The following PTPRD variants were observed in gnomAD, a reference collection of about 807,000 sequenced individuals.
PTPRD encodes the protein receptor-type tyrosine-protein phosphatase delta.
PTPRD carries 34 observed loss-of-function variants against 214.5 expected under a neutral mutation model. The observed-to-expected ratio is 0.16, with a 90% CI of 0.12 to 0.21. PTPRD has a LOEUF of 0.21. PTPRD is among the 10% of genes least tolerant of loss of function. The pLI, the probability that PTPRD is intolerant of heterozygous loss-of-function variation, is 1.00. For synonymous variants in PTPRD, 1,128 were observed against 845.7 expected (o/e 1.33, Z -5.79); for missense variants, 2,545 against 2,398.7 (o/e 1.06, Z -1.27).
At chr9:8,615,400 C>T (rs1277772150) in intron 14 of PTPRD, among the ~76,000 whole-genome samples, 5 of 152,018 alleles carry the variant, frequency 3.3e-5, no homozygotes, top group Non-Finnish European at 5.9e-5. Flanking sequence ...AGTAAGCTAT[C>T]GCCACTATTT....
At position 9,015,993 on chromosome 9, in the gene PTPRD, G is replaced by C. The variant is rs184741305; in HGVS notation, c.-104+2704C>G. Among the ~76,000 whole-genome samples, 332 of 152,172 alleles carry C rather than the reference G, an allele frequency of 2.2e-3. 4 individuals are homozygous for C. Among genetic ancestry groups the C allele is most frequent in the Admixed American group, 5.4e-3 (83 of 15,268 alleles). On this transcript the variant is annotated intron_variant, in intron 11 of 45. Coordinates refer to ENST00000381196, the MANE Select transcript of PTPRD (RefSeq NM_002839.4). ...GATCATAGGAATGCAGAAGAATTGG[G>C]CCTTAAAGCACAGGCAGCAGGACTT...
chr9:9,514,191 TC>T (rs1219167836), intron 8 of PTPRD, among the ~76,000 whole-genome samples: 1 of 152,060 alleles, frequency 6.6e-6, no homozygotes, highest in Non-Finnish European at 1.5e-5. Context: ...GAATTTTTTC[TC>T]CCCTGGAATA....
At chr9:10,369,456 G>T (rs1266167764) in intron 2 of PTPRD, among the ~76,000 whole-genome samples, 1 of 151,988 alleles carries the variant, frequency 6.6e-6, no homozygotes, top group Non-Finnish European at 1.5e-5. Flanking sequence ...AGGTGAGACA[G>T]CTGAGTGTAT....
intron 8 of PTPRD, among the ~76,000 whole-genome samples, chr9:9,489,182 A>C (rs1187939473): frequency 1.3e-5 from 2 of 152,184 alleles, no homozygotes; most frequent in Admixed American, 1.3e-4. Context: ...ACATAGGCGC[A>C]GAAAAAATCT....
At chr9:10,050,431 G>A (rs533515942) in intron 3 of PTPRD, among the ~76,000 whole-genome samples, 7 of 150,850 alleles carry the variant, frequency 4.6e-5, no homozygotes, top group African/African-American at 1.5e-4. Flanking sequence ...GTGGTGGCGC[G>A]CGTCTGTAGT....
chr9:9,138,225 A>G (rs1221020508), intron 10 of PTPRD, among the ~76,000 whole-genome samples: 1 of 152,144 alleles, frequency 6.6e-6, no homozygotes, highest in African/African-American at 2.4e-5. Flanking sequence ...GAAATAGCAA[A>G]ATCAATTATA....
At chr9:8,944,372 A>G (rs1342026164) in intron 11 of PTPRD, among the ~76,000 whole-genome samples, 1 of 152,126 alleles carries the variant, frequency 6.6e-6, no homozygotes, top group Non-Finnish European at 1.5e-5. Context: ...ACATAGAACT[A>G]TCATATGATC....
chr9:8,525,502 C>T (rs1224595222), intron 17 of PTPRD, among the ~76,000 whole-genome samples: 2 of 151,796 alleles, frequency 1.3e-5, no homozygotes, highest in Non-Finnish European at 1.5e-5. Flanking sequence ...AAATACGCAG[C>T]GAGCACAAAA....
rs35772205 is a variant in PTPRD, at chr9:9,547,796, T to TCACACACACACACACA, written c.-237+26920_-237+26935dup. On this transcript the variant is annotated intron_variant, in intron 8 of 45. Transcript: ENST00000381196. Reference sequence around the variant, plus strand: ...TAAGAAAGCTCAAATAAACACAAATTCACACACACACACACACACACACAC... The same window carrying TCACACACACACACACA: ...TAAGAAAGCTCAAATAAACACAAATTCACACACACACACACACACACACACACACACACACACACAC... 6.7e-3 allele frequency among the ~76,000 whole-genome samples: 957 copies of TCACACACACACACACA among 142,452 alleles called. 6 individuals carry two copies. The highest frequency in any genetic ancestry group is 0.016 in the African/African-American group (613 of 39,086). 93.5% of individuals were successfully genotyped at this position (142,452 alleles called of 152,430 possible). A position where few individuals can be genotyped will look rare whatever the true frequency, so the allele number is the denominator to read the frequency against.
chr9:8,586,923 G>A (rs1204629791), intron 14 of PTPRD, among the ~76,000 whole-genome samples: 35 of 152,272 alleles, frequency 2.3e-4, no homozygotes, highest in Admixed American at 2.2e-3. Context: ...TGAGGTGGGC[G>A]GACCATGAGG....
At chr9:10,003,668 A>G (rs1269864303) in intron 4 of PTPRD, among the ~76,000 whole-genome samples, 1 of 151,756 alleles carries the variant, frequency 6.6e-6, no homozygotes, top group Non-Finnish European at 1.5e-5. Flanking sequence ...TAATAACCCA[A>G]TAAGGCTGAT....
chr9:8,414,677 G>C lies in PTPRD; in HGVS notation c.4087-10017C>G, dbSNP rs1330181283. 2.6e-5 allele frequency among the ~76,000 whole-genome samples: 4 copies of C among 151,810 alleles called. No homozygotes were observed. In the East Asian group the frequency reaches 7.8e-4, roughly 29 times the overall value. On this transcript the variant is annotated intron_variant, in intron 35 of 45. Transcript: ENST00000381196. ...AGTTTACACCTACTGTCCCAGCGTA[G>C]TTATTAATAGGACCCTTTCTCACTC...
At chr9:9,687,180 C>T (rs2097180528) in intron 7 of PTPRD, among the ~76,000 whole-genome samples, 3 of 151,838 alleles carry the variant, frequency 2.0e-5, no homozygotes, top group Non-Finnish European at 2.9e-5. Flanking sequence ...ACCATAAAGG[C>T]ACACTCGTGA....
intron 8 of PTPRD, among the ~76,000 whole-genome samples, chr9:9,407,327 C>G (rs936629185): frequency 6.6e-6 from 1 of 151,502 alleles, no homozygotes; most frequent in Non-Finnish European, 1.5e-5. Context: ...GTGAATTCAT[C>G]CAATTTACTA....
chr9:10,034,726 G>A (rs917175031), intron 3 of PTPRD, among the ~76,000 whole-genome samples: 1 of 152,096 alleles, frequency 6.6e-6, no homozygotes. Flanking sequence ...GTCTCCGGCT[G>A]CATCCAACAA....
chr9:10,438,718 A>C (rs114161650), intron 2 of PTPRD, among the ~76,000 whole-genome samples: 2,155 of 151,904 alleles, frequency 0.014, 45 homozygotes, highest in African/African-American at 0.047. Context: ...ATACTGAAAG[A>C]GAAAAAATAT....
At chr9:8,534,638 T>TATAC (rs1554728892) in intron 14 of PTPRD, among the ~76,000 whole-genome samples, 1 of 149,964 alleles carries the variant, frequency 6.7e-6, no homozygotes, top group African/African-American at 2.4e-5. Context: ...TATATATATA[T>TATAC]ACACACACAC....
rs78733943 is a variant in PTPRD at position 9,283,257 on chromosome 9, C to A, written c.-202-99894G>T. On this transcript the variant is annotated intron_variant, in intron 9 of 45. Coordinates refer to ENST00000381196, the MANE Select transcript of PTPRD (RefSeq NM_002839.4). ...GTTATGCTAATTTTACTTCCAAGAC[C>A]CTGATAATTTAGTTGTACAATTCAT... is the stretch of plus-strand genomic sequence containing the variant. 3.1e-3 allele frequency among the ~76,000 whole-genome samples: 474 copies of A among 151,410 alleles called. 18 individuals are homozygous for A. In the East Asian group the frequency reaches 0.079, roughly 25 times the overall value.
chr9:10,196,592 T>C (rs962539630), intron 3 of PTPRD, among the ~76,000 whole-genome samples: 7 of 152,160 alleles, frequency 4.6e-5, no homozygotes, highest in African/African-American at 1.7e-4. Flanking sequence ...AGTATTAAAA[T>C]TGTACTATAT....
Sources: allele counts gnomAD v4.1 joint callset (sites outside exome capture counted in the v4.1 genomes callset), GRCh38; gene constraint gnomAD v4.1.1; transcripts MANE v1.5; gene names NCBI Gene and HGNC (gene_info 2026-07-23, HGNC 2026-07-21).